USP31: variants seen among roughly 807,000 people sequenced by gnomAD.
USP31 encodes the protein ubiquitin carboxyl-terminal hydrolase 31.
USP31 carries 44 observed loss-of-function variants against 119.4 expected under a neutral mutation model. The observed-to-expected ratio is 0.37, with a 90% CI of 0.29 to 0.47. USP31 has a LOEUF of 0.47. Ranked by LOEUF, USP31 falls within the 20% of genes least tolerant of loss-of-function variation. The probability of loss-of-function intolerance (pLI) is 0.99; values close to 1 mark genes in which losing one functional copy is unlikely to be tolerated. For synonymous variants in USP31, 749 were observed against 705.6 expected (o/e 1.06, Z -0.97); for missense variants, 1,643 against 1,730.2 (o/e 0.95, Z 0.89).
intron 11 of USP31, among the ~76,000 whole-genome samples, chr16:23,084,250 C>G (rs1169423984): frequency 6.6e-6 from 1 of 152,158 alleles, no homozygotes; most frequent in Non-Finnish European, 1.5e-5. Flanking sequence ...CTGGGCCCCA[C>G]CCAAAGAGGC....
chr16:23,125,560 C>T (rs1360990882), intron 1 of USP31, among the ~76,000 whole-genome samples: 1 of 152,196 alleles, frequency 6.6e-6, no homozygotes, highest in African/African-American at 2.4e-5. Flanking sequence ...TCCTTTCTTC[C>T]TGTCACTATT....
chr16:23,146,607 C>A (rs1446951378), intron 1 of USP31, among the ~76,000 whole-genome samples: 6 of 152,074 alleles, frequency 3.9e-5, no homozygotes. Context: ...TCAAGTACTT[C>A]CATTCAAATT....
At chr16:23,100,620 A>T (rs1223147778) in intron 6 of USP31, among the ~76,000 whole-genome samples, 1 of 152,180 alleles carries the variant, frequency 6.6e-6, no homozygotes, top group Non-Finnish European at 1.5e-5. Context: ...TAAAAATATA[A>T]AAATTAGCCA....
chr16:23,108,685 A>G (rs34217455), intron 1 of USP31, among the ~76,000 whole-genome samples: 1 of 152,230 alleles, frequency 6.6e-6, no homozygotes, highest in African/African-American at 2.4e-5. Flanking sequence ...ACATATACAT[A>G]CAAAGAAAAA....
intron 11 of USP31, 140 bp downstream of exon 11, chr16:23,084,720 T>C (rs1056745249): frequency 1.9e-6 from 2 of 1,079,078 alleles, no homozygotes; most frequent in Admixed American, 2.6e-5. Context: ...AGCATTAAGA[T>C]GCTCATTACA....
chr16:23,079,423 T>C (rs1900720150), intron 13 of USP31: 1 of 152,278 alleles, frequency 6.6e-6, no homozygotes. Context: ...AAAAGTGTCA[T>C]GCACTTGTAT....
In USP31 at chr16:23,146,419, G is replaced by A. The variant is rs145276330; in HGVS notation, c.633+2219C>T. On this transcript the variant is annotated intron_variant, in intron 1 of 15. Transcript: ENST00000219689. ...GGCGCCTGTAGTCCCAGCTACCTGG[G>A]AGGCTGAGACAGGAGAATTGCTTGA... Among the ~76,000 whole-genome samples the A allele has an allele frequency of 9.8e-4, 149 of 152,230 alleles. 1 individual carries two copies. The highest frequency in any genetic ancestry group is 3.3e-3 in the African/African-American group (138 of 41,534).
Position 23,148,745 on chromosome 16 carries a change from C to A in USP31, c.526G>T (p.Ala176Ser). 6.7e-7 allele frequency: 1 copy of A among 1,498,236 alleles called. No homozygotes were observed. 92.8% of individuals were successfully genotyped at this position (1,498,236 alleles called of 1,614,324 possible). A position where few individuals can be genotyped will look rare whatever the true frequency, so the allele number is the denominator to read the frequency against. Residue 176 changes from alanine to serine, a missense_variant, in exon 1 of 16, where the codon GCG (alanine) becomes TCG (serine). Physicochemically the swap from Ala to Ser is moderately conservative, Grantham distance 99. Coordinates refer to ENST00000219689, the MANE Select transcript of USP31 (RefSeq NM_020718.4). ...CCCTGGCCCTGCGCGCCGCGGCCCG[C>A]AGGCTGCTCCGGGTCAGGCGAGGGC... ...PEPSPDPEQP[A>S]GRGAQGQGEV... is the part of the protein sequence containing the mutation.
At chr16:23,103,065 T>C (rs983861597) in intron 5 of USP31, among the ~76,000 whole-genome samples, 4 of 152,222 alleles carry the variant, frequency 2.6e-5, no homozygotes, top group Admixed American at 6.5e-5. Flanking sequence ...TGTACTCTGA[T>C]GCAGAACTCT....
At chr16:23,071,947 C>G in intron 15 of USP31, 98 bp downstream of exon 15, 1 of 1,491,594 alleles carries the variant, frequency 6.7e-7, no homozygotes, top group Non-Finnish European at 9.0e-7. Flanking sequence ...GGTTCTCCTA[C>G]CATCTCCTTG....
chr16:23,069,605 T>G lies in USP31; in HGVS notation c.2500A>C (p.Thr834Pro). Residue 834 changes from threonine (T) to proline (P), a missense_variant, in exon 16 of 16, where the codon ACT (threonine) becomes CCT (proline). Transcript: ENST00000219689. ...TGGACACTTCTCACAAATGGTCGAG[T>G]TGAAAAGCCTCCTGAACACAGTAAA... is the stretch of plus-strand genomic sequence containing the variant. The part of the protein sequence containing the change: ...ERSEDDGGFS[T>P]RPFVRSVQRQ... The G allele has an allele frequency of 6.2e-7, 1 of 1,607,062 alleles. No individual in the cohort carries two copies. The highest frequency in any genetic ancestry group is 8.5e-7 in the Non-Finnish European group (1 of 1,174,692).
chr16:23,074,973 G>C (rs902301846), intron 13 of USP31, among the ~76,000 whole-genome samples: 2 of 152,140 alleles, frequency 1.3e-5, no homozygotes, highest in Admixed American at 1.3e-4. Flanking sequence ...CCCAGGGATG[G>C]GGCAGATAAG....
intron 1 of USP31, among the ~76,000 whole-genome samples, chr16:23,120,643 A>G (rs1051728656): frequency 6.6e-6 from 1 of 152,234 alleles, no homozygotes; most frequent in African/African-American, 2.4e-5. Context: ...AAACCTAGGA[A>G]GAGAAAAAAA....
intron 12 of USP31, among the ~76,000 whole-genome samples, chr16:23,081,980 TC>T (rs1265695670): frequency 1.3e-5 from 2 of 152,168 alleles, no homozygotes; most frequent in Admixed American, 6.5e-5. Flanking sequence ...AATCCTAACC[TC>T]AGGGAATAGA....
chr16:23,141,952 C>CCT, intron 1 of USP31, among the ~76,000 whole-genome samples: 1 of 152,056 alleles, frequency 6.6e-6, no homozygotes, highest in South Asian at 2.1e-4. Context: ...AATGATCTCA[C>CCT]CTCTCTCTCA....
Position 23,149,426 on chromosome 16 carries a change from GC to G in USP31, c.-157del, listed in dbSNP as rs1275824344. 6.8e-6 allele frequency among the ~76,000 whole-genome samples: 1 copy of G among 148,006 alleles called. No homozygotes were observed. The highest frequency in any genetic ancestry group is 1.5e-5 in the Non-Finnish European group (1 of 66,266). On this transcript the variant is annotated 5_prime_UTR_variant, in exon 1 of 16. Transcript: ENST00000219689. ...CAGCCGAGCCAGCGAGCGAGCGGCGGCCGGCGGGGCCAGCGGGCGCGCGCGC... is the reference window on the plus strand; with the variant it reads ...CAGCCGAGCCAGCGAGCGAGCGGCGGCGGCGGGGCCAGCGGGCGCGCGCGC...
chr16:23,087,351 A>T (rs932095830), intron 8 of USP31, among the ~76,000 whole-genome samples, 165 bp from the exon 9 acceptor site: 3 of 152,208 alleles, frequency 2.0e-5, no homozygotes, highest in Non-Finnish European at 4.4e-5. Context: ...TACACTTTAA[A>T]TATTATTTAC....
At chr16:23,078,981 G>C (rs1900702903) in intron 13 of USP31, 1 of 152,100 alleles carries the variant, frequency 6.6e-6, no homozygotes, top group Non-Finnish European at 1.5e-5. Flanking sequence ...AACAAATATT[G>C]AATGATTCCA....
At chr16:23,111,339 T>C (rs1485073015) in intron 1 of USP31, among the ~76,000 whole-genome samples, 1 of 152,026 alleles carries the variant, frequency 6.6e-6, no homozygotes, top group Non-Finnish European at 1.5e-5. Flanking sequence ...TGTGACCTAA[T>C]GAATGTGGAG....
Sources: gnomAD v4.1 joint callset for allele counts (sites outside exome capture counted in the v4.1 genomes callset) on GRCh38, gnomAD v4.1.1 for gene constraint, MANE v1.5 for transcripts, NCBI Gene and HGNC (gene_info 2026-07-23, HGNC 2026-07-21) for gene names.